Variants in UBE2N observed in about 807,000 individuals in gnomAD.
UBE2N encodes the protein ubiquitin conjugating enzyme E2 N, also known as ubiquitin-conjugating enzyme E2 N.
For synonymous variants in UBE2N, 70 were observed against 69.2 expected (o/e 1.01, Z -0.06); for missense variants, 60 against 192.1 (o/e 0.31, Z 4.07).
intron 1 of UBE2N, among the ~76,000 whole-genome samples, chr12:93,432,491 AAAAC>A (rs1417495330): frequency 5.9e-5 from 8 of 136,734 alleles, no homozygotes; most frequent in Non-Finnish European, 1.4e-4. Context: ...AAAAAAAAAC[AAAAC>A]AAAACAGCTA....
At chr12:93,437,057 G>A (rs1050250129) in intron 1 of UBE2N, among the ~76,000 whole-genome samples, 4 of 152,026 alleles carry the variant, frequency 2.6e-5, no homozygotes, top group Non-Finnish European at 5.9e-5. Context: ...GAGCCTAGGA[G>A]CTCGAGAACA....
chr12:93,438,609 G>T (rs1256295299), intron 1 of UBE2N, among the ~76,000 whole-genome samples: 3 of 152,142 alleles, frequency 2.0e-5, no homozygotes, highest in African/African-American at 7.2e-5. Context: ...ATGTAAGTGT[G>T]ATGGAGAACC....
At chr12:93,410,136 C>A in intron 3 of UBE2N, 57 bp from the exon 4 acceptor site, 1 of 1,536,424 alleles carries the variant, frequency 6.5e-7, no homozygotes, top group Non-Finnish European at 9.0e-7. Flanking sequence ...ATGTTACTTT[C>A]CAAACTATAA....
At chr12:93,429,720 C>T (rs898982686) in intron 1 of UBE2N, among the ~76,000 whole-genome samples, 5 of 151,980 alleles carry the variant, frequency 3.3e-5, no homozygotes, top group African/African-American at 1.2e-4. Context: ...GACAGTGATA[C>T]TGCTGATCCT....
chr12:93,420,632 T>C (rs971028263), intron 1 of UBE2N, among the ~76,000 whole-genome samples: 5 of 152,168 alleles, frequency 3.3e-5, no homozygotes, highest in African/African-American at 1.2e-4. Flanking sequence ...AACGAACATC[T>C]GCAATGCTTA....
At chr12:93,417,885 C>T (rs898947304) in intron 1 of UBE2N, among the ~76,000 whole-genome samples, 3 of 151,980 alleles carry the variant, frequency 2.0e-5, no homozygotes, top group Non-Finnish European at 2.9e-5. Flanking sequence ...ATAAAACAAA[C>T]GGGCTCCTTT....
rs1408620580 is a variant in UBE2N, at chr12:93,408,873, A to G, written c.*1166T>C. On this transcript the variant is annotated 3_prime_UTR_variant, in exon 4 of 4. Coordinates refer to ENST00000318066, the MANE Select transcript of UBE2N (RefSeq NM_003348.4). ...TCAGCAAATCCCAAATGATCAGATC[A>G]GTGTTTCTTAACACACATGAAAGGT... is the stretch of plus-strand genomic sequence containing the variant. 6.5e-6 allele frequency: 1 copy of G among 152,672 alleles called. No individual in the cohort carries two copies. The highest frequency in any genetic ancestry group is 2.4e-5 in the African/African-American group (1 of 41,472). 9.5% of individuals were successfully genotyped at this position (152,672 alleles called of 1,614,324 possible).
chr12:93,409,955 A>G lies in UBE2N; in HGVS notation c.*84T>C. On this transcript the variant is annotated 3_prime_UTR_variant, in exon 4 of 4. Transcript: ENST00000318066. ...GCTTTTTTATTCTGTAATGTTTCTA[A>G]GACTGTGTCCATTAAATGCAAACAA... The G allele has an allele frequency of 7.2e-7, 1 of 1,380,046 alleles. No individual in the cohort carries two copies. Among genetic ancestry groups the G allele is most frequent in the Non-Finnish European group, 1.0e-6 (1 of 976,478 alleles). 85.5% of individuals were successfully genotyped at this position (1,380,046 alleles called of 1,614,324 possible). A position where few individuals can be genotyped will look rare whatever the true frequency, so the allele number is the denominator to read the frequency against.
At chr12:93,429,709 A>T (rs1442917179) in intron 1 of UBE2N, among the ~76,000 whole-genome samples, 3 of 152,128 alleles carry the variant, frequency 2.0e-5, no homozygotes, top group Non-Finnish European at 4.4e-5. Context: ...AGGAGCTGGA[A>T]GACAGTGATA....
rs149938511 is a variant in UBE2N at position 93,408,688 on chromosome 12, A to G, written c.*1351T>C. 2.0e-4 allele frequency: 30 copies of G among 152,356 alleles called. No individual in the cohort carries two copies. Among genetic ancestry groups the G allele is most frequent in the African/African-American group, 7.2e-4 (30 of 41,592 alleles). The allele number at this position is 152,356 out of a possible 1,614,324, so 9.4% of individuals were successfully genotyped here. A position where few individuals can be genotyped will look rare whatever the true frequency, so the allele number is the denominator to read the frequency against. On this transcript the variant is annotated 3_prime_UTR_variant, in exon 4 of 4. Coordinates refer to ENST00000318066, the MANE Select transcript of UBE2N (RefSeq NM_003348.4). ...AAGAAAAATTACTGAATTCCAAATTAAAGAATAAAACGAGCTCCCACAGCA... is the reference window on the plus strand; with the variant it reads ...AAGAAAAATTACTGAATTCCAAATTGAAGAATAAAACGAGCTCCCACAGCA...
At chr12:93,414,216 G>A (rs762286173) in intron 1 of UBE2N, among the ~76,000 whole-genome samples, 1 of 151,616 alleles carries the variant, frequency 6.6e-6, no homozygotes, top group Non-Finnish European at 1.5e-5. Flanking sequence ...TTGGGAGGCC[G>A]AGGCGGGTGG....
rs1877945124 is a variant in UBE2N at position 93,408,881 on chromosome 12, T to C, written c.*1158A>G. On this transcript the variant is annotated 3_prime_UTR_variant, in exon 4 of 4. Transcript: ENST00000318066. Reference sequence around the variant, plus strand: ...TCCCAAATGATCAGATCAGTGTTTCTTAACACACATGAAAGGTTACAGATG... The same window carrying C: ...TCCCAAATGATCAGATCAGTGTTTCCTAACACACATGAAAGGTTACAGATG... The C allele has an allele frequency of 6.6e-6, 1 of 152,654 alleles. No homozygotes were observed. Among genetic ancestry groups the C allele is most frequent in the African/African-American group, 2.4e-5 (1 of 41,466 alleles). 9.5% of individuals were successfully genotyped at this position (152,654 alleles called of 1,614,324 possible).
chr12:93,414,535 C>T (rs1878142205), intron 1 of UBE2N, among the ~76,000 whole-genome samples: 1 of 151,892 alleles, frequency 6.6e-6, no homozygotes, highest in African/African-American at 2.4e-5. Flanking sequence ...CCACCTACCT[C>T]TCTGACTTAT....
At position 93,414,214 on chromosome 12, in the gene UBE2N, C is replaced by T. The variant is rs1592740759; in HGVS notation, c.31-2915G>A. Among the ~76,000 whole-genome samples the T allele has an allele frequency of 2.6e-5, 4 of 151,748 alleles. No homozygotes were observed. In the South Asian group the frequency reaches 8.3e-4, roughly 32 times the overall value. ...CCTGTAATCCCAGCATTTTGGGAGG[C>T]CGAGGCGGGTGGATCGGCTCAGGTC... On this transcript the variant is annotated intron_variant, in intron 1 of 3. Coordinates refer to ENST00000318066, the MANE Select transcript of UBE2N (RefSeq NM_003348.4).
At chr12:93,418,167 G>A (rs920251069) in intron 1 of UBE2N, among the ~76,000 whole-genome samples, 1 of 151,896 alleles carries the variant, frequency 6.6e-6, no homozygotes, top group African/African-American at 2.4e-5. Flanking sequence ...CACCAGCCTG[G>A]GCAACATAGC....
chr12:93,421,056 T>C (rs1878391485), intron 1 of UBE2N, among the ~76,000 whole-genome samples: 1 of 152,210 alleles, frequency 6.6e-6, no homozygotes, highest in African/African-American at 2.4e-5. Context: ...TATTAGCTCA[T>C]TTAATCCTCA....
chr12:93,428,195 C>A (rs780326383), intron 1 of UBE2N, among the ~76,000 whole-genome samples: 1 of 152,162 alleles, frequency 6.6e-6, no homozygotes, highest in Non-Finnish European at 1.5e-5. Flanking sequence ...GCTGGGATCA[C>A]AGACATGAGC....
intron 1 of UBE2N, among the ~76,000 whole-genome samples, chr12:93,427,602 A>G (rs1285137572): frequency 6.6e-6 from 1 of 152,230 alleles, no homozygotes; most frequent in African/African-American, 2.4e-5. Flanking sequence ...TTGAAGGTAG[A>G]GTGACTGCTA....
In UBE2N at chr12:93,406,168, T is replaced by C. The variant is rs1385217192; in HGVS notation, c.*3871A>G. ...CTGTAGTCCCAGCTCCTCAGGAGGC[T>C]GAGGCAGGAGAATCGCTTGAACGCG... On this transcript the variant is annotated 3_prime_UTR_variant, in exon 4 of 4. Transcript: ENST00000318066. 6.7e-6 allele frequency: 1 copy of C among 148,980 alleles called. No homozygotes were observed. Among genetic ancestry groups the C allele is most frequent in the Non-Finnish European group, 1.5e-5 (1 of 67,760 alleles). The allele number at this position is 148,980 out of a possible 1,614,324, so 9.2% of individuals were successfully genotyped here. A position where few individuals can be genotyped will look rare whatever the true frequency, so the allele number is the denominator to read the frequency against.
Sources: allele counts gnomAD v4.1 joint callset (sites outside exome capture counted in the v4.1 genomes callset), GRCh38; gene constraint gnomAD v4.1.1; transcripts MANE v1.5; gene names NCBI Gene and HGNC (gene_info 2026-07-23, HGNC 2026-07-21).